Variants in AIG1 observed in about 807,000 individuals in gnomAD.
AIG1 encodes the protein androgen induced 1.
A neutral mutation model predicts 31.4 loss-of-function variants in AIG1; 23 were observed. The observed-to-expected ratio is 0.73, with a 90% CI of 0.53 to 1.04. AIG1 has a LOEUF of 1.04. Among genes scored for constraint, AIG1 ranks in the 50% least tolerant of loss-of-function variants. AIG1 has a pLI of 0.00. For synonymous variants in AIG1, 100 were observed against 110.5 expected (o/e 0.90, Z 0.60); for missense variants, 274 against 295.0 (o/e 0.93, Z 0.52).
At chr6:143,075,329 G>GT (rs980150231) in intron 1 of AIG1, among the ~76,000 whole-genome samples, 2 of 150,952 alleles carry the variant, frequency 1.3e-5, no homozygotes, top group African/African-American at 4.9e-5. Flanking sequence ...GTTTTGTTTT[G>GT]TTTTTTGAGA....
chr6:143,299,990 G>C lies in AIG1; in HGVS notation c.515+15765G>C, dbSNP rs1415669798. 6.6e-6 allele frequency among the ~76,000 whole-genome samples: 1 copy of C among 152,160 alleles called. No individual in the cohort carries two copies. The highest frequency in any genetic ancestry group is 6.5e-5 in the Admixed American group (1 of 15,278). The stretch of plus-strand genomic sequence containing the variant: ...GACACTGCTGTGAAACATCCACCGT[G>C]CACCACCACCGGGCTAGAATCTTAT... On this transcript the variant is annotated intron_variant, in intron 4 of 5. Transcript: ENST00000357847. This position sits in a 1 kb window ranked among gnomAD's most constrained non-coding sequence, Gnocchi z 4.1.
chr6:143,116,947 A>G (rs895594301), intron 1 of AIG1, among the ~76,000 whole-genome samples: 1 of 151,984 alleles, frequency 6.6e-6, no homozygotes, highest in African/African-American at 2.4e-5. Flanking sequence ...ATAGGACAGT[A>G]TGGGGGCTCA....
chr6:143,342,989 A>G, downstream of AIG1: 2 of 978,688 alleles, frequency 2.0e-6, no homozygotes, highest in South Asian at 2.6e-5. Flanking sequence ...ATGGCAGTGT[A>G]CCTATCTGCA....
At chr6:143,302,256 G>A (rs1288957490) in intron 4 of AIG1, among the ~76,000 whole-genome samples, 1 of 146,872 alleles carries the variant, frequency 6.8e-6, no homozygotes, top group Non-Finnish European at 1.5e-5. Context: ...AAGTTTTAGG[G>A]TACATGTGCA....
At chr6:143,257,902 G>T (rs1795478567) in intron 3 of AIG1, among the ~76,000 whole-genome samples, 1 of 152,116 alleles carries the variant, frequency 6.6e-6, no homozygotes, top group Non-Finnish European at 1.5e-5. Context: ...TGAGTGAGAG[G>T]CTGAGACCCC....
At chr6:143,118,382 C>G (rs1468565363) in intron 1 of AIG1, among the ~76,000 whole-genome samples, 1 of 151,924 alleles carries the variant, frequency 6.6e-6, no homozygotes, top group Non-Finnish European at 1.5e-5. Context: ...TTGCTTGAAC[C>G]CAGGAGGCAG....
In AIG1 at chr6:143,100,688, C is replaced by A. The variant is rs374338505; in HGVS notation, c.142-36147C>A. Among the ~76,000 whole-genome samples the A allele has an allele frequency of 3.2e-3, 479 of 148,988 alleles. 1 individual carries two copies. The highest frequency in any genetic ancestry group is 0.012 in the African/African-American group (465 of 40,362). ...AATATAGTCATACTTAAAGTTTATT[C>A]TCTTTTTTTTTTTTTGAGATGAAGT... On this transcript the variant is annotated intron_variant, in intron 1 of 5. Coordinates refer to ENST00000357847, the MANE Select transcript of AIG1 (RefSeq NM_016108.4).
intron 3 of AIG1, among the ~76,000 whole-genome samples, chr6:143,174,144 C>T (rs1184847996): frequency 6.6e-6 from 1 of 152,108 alleles, no homozygotes; most frequent in Non-Finnish European, 1.5e-5. Context: ...TATAATTTCC[C>T]TCTTTAAAGC....
chr6:143,239,755 G>A (rs1406926549), intron 3 of AIG1, among the ~76,000 whole-genome samples: 1 of 152,216 alleles, frequency 6.6e-6, no homozygotes, highest in Non-Finnish European at 1.5e-5. Flanking sequence ...ACAATTGGAT[G>A]ATCAAATAAA....
chr6:143,198,025 G>A (rs941168897), intron 3 of AIG1, among the ~76,000 whole-genome samples: 4 of 152,278 alleles, frequency 2.6e-5, no homozygotes, highest in South Asian at 4.1e-4. Flanking sequence ...GAAGAGTCCT[G>A]GAGACTTGAA....
intron 1 of AIG1, among the ~76,000 whole-genome samples, chr6:143,132,723 C>T (rs1023485809): frequency 4.0e-5 from 6 of 151,732 alleles, no homozygotes; most frequent in Non-Finnish European, 5.9e-5. Flanking sequence ...TCACAGTTCA[C>T]TTAGATTGTT....
intron 4 of AIG1, among the ~76,000 whole-genome samples, chr6:143,308,794 C>T (rs117231433): frequency 1.4e-3 from 214 of 152,238 alleles, no homozygotes; most frequent in Middle Eastern, 3.4e-3. Flanking sequence ...TGAATGAGTA[C>T]GCCTTTAGTG....
intron 1 of AIG1, among the ~76,000 whole-genome samples, chr6:143,081,643 A>G (rs1407192549): frequency 6.6e-6 from 1 of 152,130 alleles, no homozygotes; most frequent in Non-Finnish European, 1.5e-5. Context: ...GGCCTGGTCC[A>G]GTAAATAATG....
chr6:143,235,628 GA>G (rs11296315), intron 3 of AIG1, among the ~76,000 whole-genome samples: 71,426 of 152,012 alleles, frequency 0.47, 18,393 homozygotes, highest in East Asian at 0.93. Flanking sequence ...TGTAGGGGAA[GA>G]AGAAAAGTCT....
intron 1 of AIG1, among the ~76,000 whole-genome samples, chr6:143,106,457 T>C (rs546565721): frequency 6.6e-6 from 1 of 152,346 alleles, no homozygotes; most frequent in South Asian, 2.1e-4. Flanking sequence ...GTTACTTGGC[T>C]GTCTCTTCTA....
At chr6:143,336,128 C>T (rs1343595724) in intron 5 of AIG1, among the ~76,000 whole-genome samples, 1 of 152,134 alleles carries the variant, frequency 6.6e-6, no homozygotes, top group Non-Finnish European at 1.5e-5. Context: ...GAATTGAGGA[C>T]ATGGGAGTAC....
At chr6:143,175,147 T>G (rs1788022376) in intron 3 of AIG1, among the ~76,000 whole-genome samples, 1 of 152,246 alleles carries the variant, frequency 6.6e-6, no homozygotes, top group Admixed American at 6.5e-5. Flanking sequence ...ACCTTCTAGC[T>G]TGCAGGGTTT....
intron 1 of AIG1, among the ~76,000 whole-genome samples, chr6:143,089,100 C>T (rs1779067051): frequency 6.6e-6 from 1 of 151,868 alleles, no homozygotes; most frequent in South Asian, 2.1e-4. Flanking sequence ...ATCCCAGCTA[C>T]TCAAGAGGCA....
chr6:143,186,350 C>G (rs1430944398), intron 3 of AIG1, among the ~76,000 whole-genome samples: 2 of 152,200 alleles, frequency 1.3e-5, no homozygotes, highest in Non-Finnish European at 2.9e-5. Flanking sequence ...ATCTCTATAT[C>G]TGTATCCAGG....
Sources: allele counts gnomAD v4.1 joint callset (sites outside exome capture counted in the v4.1 genomes callset), GRCh38; gene constraint gnomAD v4.1.1; non-coding constraint Gnocchi (gnomAD v3.1); transcripts MANE v1.5; gene names NCBI Gene and HGNC (gene_info 2026-07-23, HGNC 2026-07-21).